Variants in CAP1 observed in about 807,000 individuals in gnomAD.
CAP1 encodes the protein cyclase associated actin cytoskeleton regulatory protein 1, also known as adenylyl cyclase-associated protein 1.
In CAP1, 11 loss-of-function variants were observed where a neutral mutation model predicts 58.2. The observed-to-expected ratio is 0.19, with a 90% CI of 0.12 to 0.31. CAP1 has a LOEUF of 0.31. Among genes scored for constraint, CAP1 ranks in the 10% least tolerant of loss-of-function variants. The pLI is 1.00. For synonymous variants in CAP1, 183 were observed against 213.8 expected (o/e 0.86, Z 1.26); for missense variants, 423 against 587.5 (o/e 0.72, Z 2.89).
At position 40,070,440 on chromosome 1, in the gene CAP1, G is replaced by C. The variant is rs1647688195; in HGVS notation, c.1128G>C (p.Lys376Asn). 1.3e-5 allele frequency: 21 copies of C among 1,613,810 alleles called. No individual in the cohort carries two copies. The highest frequency in any genetic ancestry group is 1.7e-5 in the Non-Finnish European group (20 of 1,179,850). ...KINSITVDNCKKLGLVFDDVV... is the reference protein window; with the variant it reads ...KINSITVDNCNKLGLVFDDVV... ...CCTTTCTTCTCCTAGATAACTGTAA[G>C]AAACTTGGCCTGGTATTCGATGACG... Residue 376 changes from lysine to asparagine, a missense_variant, in exon 11 of 13, where the codon AAG becomes AAC. Lys to Asn is a moderately conservative substitution (Grantham distance 94). Transcript: ENST00000372805.
rs554642288 is a variant in CAP1 at position 40,071,751 on chromosome 1, A to T, written c.*218A>T. Reference sequence around the variant, plus strand: ...TTCTGCAGGAAGGTGCAGCTTTTCCATATCAGCTCAACCACGCCGCCAGTC... The same window carrying T: ...TTCTGCAGGAAGGTGCAGCTTTTCCTTATCAGCTCAACCACGCCGCCAGTC... On this transcript the variant is annotated 3_prime_UTR_variant, in exon 13 of 13. Coordinates refer to ENST00000372805, the MANE Select transcript of CAP1 (RefSeq NM_006367.4). The T allele has an allele frequency of 3.6e-6, 2 of 558,226 alleles. No homozygotes were observed. Among genetic ancestry groups the T allele is most frequent in the Non-Finnish European group, 6.4e-6 (2 of 313,498 alleles). The allele number at this position is 558,226 out of a possible 1,614,324, so 34.6% of individuals were successfully genotyped here. A position where few individuals can be genotyped will look rare whatever the true frequency, so the allele number is the denominator to read the frequency against.
intron 1 of CAP1, among the ~76,000 whole-genome samples, chr1:40,044,942 G>A (rs1006019500): frequency 3.3e-5 from 5 of 151,038 alleles, no homozygotes; most frequent in Non-Finnish European, 5.9e-5. Context: ...GACTACAGGC[G>A]CCCGCCACCA....
At chr1:40,060,680 A>T (rs1485185929) in intron 3 of CAP1, among the ~76,000 whole-genome samples, 1 of 74,318 alleles carries the variant, frequency 1.3e-5, no homozygotes, top group South Asian at 5.1e-4. Context: ...CCCCACCCCC[A>T]CCCCACACTC....
chr1:40,064,562 A>G lies in CAP1; in HGVS notation c.524+3A>G. 1 of 1,607,792 alleles carries G rather than the reference A, an allele frequency of 6.2e-7. No homozygotes were observed. Among genetic ancestry groups the G allele is most frequent in the South Asian group, 1.1e-5 (1 of 90,894 alleles). Reference sequence around the variant, plus strand: ...GTCCTCAAAGAGTACAAAGATGTGTAAGTTCAGCCTTTTCTCTCTTTTTTT... The same window carrying G: ...GTCCTCAAAGAGTACAAAGATGTGTGAGTTCAGCCTTTTCTCTCTTTTTTT... On this transcript the variant is annotated splice_donor_region_variant and intron_variant, in intron 6 of 12. Coordinates refer to ENST00000372805, the MANE Select transcript of CAP1 (RefSeq NM_006367.4).
chr1:40,071,403 T>C lies in CAP1; in HGVS notation c.1345-47T>C, dbSNP rs1326650529. On this transcript the variant is annotated intron_variant, in intron 12 of 12. Coordinates refer to ENST00000372805, the MANE Select transcript of CAP1 (RefSeq NM_006367.4). ...GAAATGTGTGAGATTTAGCCCCAGC[T>C]GTTCTTTAGCTCAGATTTAAACCTG... 7.5e-6 allele frequency: 10 copies of C among 1,334,584 alleles called. No homozygotes were observed. The Admixed American group carries it at 1.2e-4, about 16-fold the overall frequency. The allele number at this position is 1,334,584 out of a possible 1,614,324, so 82.7% of individuals were successfully genotyped here. A position where few individuals can be genotyped will look rare whatever the true frequency, so the allele number is the denominator to read the frequency against.
intron 6 of CAP1, among the ~76,000 whole-genome samples, chr1:40,064,861 C>A (rs1647007267): frequency 6.6e-6 from 1 of 152,166 alleles, no homozygotes; most frequent in Non-Finnish European, 1.5e-5. Flanking sequence ...TGTGCCCAGC[C>A]AAGTTCAGCT....
chr1:40,061,172 CT>C (rs1338248569), intron 3 of CAP1, among the ~76,000 whole-genome samples: 2 of 138,774 alleles, frequency 1.4e-5, no homozygotes, highest in African/African-American at 5.4e-5. Context: ...TTTTTTTTAA[CT>C]TTTTATTTGG....
At chr1:40,046,701 C>T (rs187241730) in intron 1 of CAP1, among the ~76,000 whole-genome samples, 32 of 152,038 alleles carry the variant, frequency 2.1e-4, no homozygotes, top group Non-Finnish European at 4.0e-4. Context: ...GGGCTACAAA[C>T]CTGTATAGTA....
chr1:40,065,451 T>C lies in CAP1; in HGVS notation c.525-764T>C, dbSNP rs181772546. On this transcript the variant is annotated intron_variant, in intron 6 of 12. Transcript: ENST00000372805. ...ATCAACAAACATTTATTAACTACTC[T>C]TTTTAAGGAAAACTACACCTTCCTG... Among the ~76,000 whole-genome samples the C allele has an allele frequency of 2.2e-3, 335 of 152,348 alleles. 1 individual carries two copies. Among genetic ancestry groups the C allele is most frequent in the Admixed American group, 6.1e-3 (94 of 15,300 alleles).
chr1:40,069,726 A>G lies in CAP1; in HGVS notation c.845A>G (p.Lys282Arg). The part of the protein sequence containing the change: ...KHVSDDMKTH[K>R]NPALKAQSGP... ...GTATCTGATGACATGAAGACTCACAAGAACCCTGCCCTGAAGGCTCAGAGT... is the reference window on the plus strand; with the variant it reads ...GTATCTGATGACATGAAGACTCACAGGAACCCTGCCCTGAAGGCTCAGAGT... Residue 282 changes from lysine (K) to arginine (R), a missense_variant, in exon 9 of 13, where the codon AAG becomes AGG. By Grantham distance (26) the Lys-to-Arg change is conservative. Transcript: ENST00000372805. The G allele has an allele frequency of 1.1e-5, 17 of 1,613,860 alleles. No individual in the cohort carries two copies. The highest frequency in any genetic ancestry group is 2.2e-5 in the East Asian group (1 of 44,860).
intron 1 of CAP1, among the ~76,000 whole-genome samples, chr1:40,051,993 G>A (rs1646395438): frequency 6.6e-6 from 1 of 152,078 alleles, no homozygotes; most frequent in Non-Finnish European, 1.5e-5. Flanking sequence ...GCTTCTGGAG[G>A]GGAGGGACCA....
intron 1 of CAP1, among the ~76,000 whole-genome samples, chr1:40,058,722 A>G (rs533077106): frequency 8.9e-4 from 132 of 147,738 alleles, no homozygotes; most frequent in Middle Eastern, 3.6e-3. Context: ...ACTTTGTCTG[A>G]AAAAAAAAAA....
intron 4 of CAP1, among the ~76,000 whole-genome samples, chr1:40,063,273 G>T (rs1343901137): frequency 6.6e-6 from 1 of 152,098 alleles, no homozygotes; most frequent in East Asian, 1.9e-4. Context: ...CACCTCCCAG[G>T]CTCAAGTGAT....
At chr1:40,059,785 A>G (rs1398808845) in intron 2 of CAP1, among the ~76,000 whole-genome samples, 19 of 152,266 alleles carry the variant, frequency 1.2e-4, no homozygotes, top group African/African-American at 4.8e-5. Flanking sequence ...CACATGCACC[A>G]GTTGGAACAT....
At chr1:40,068,379 T>G (rs1233738497) in intron 8 of CAP1, among the ~76,000 whole-genome samples, 1 of 152,006 alleles carries the variant, frequency 6.6e-6, no homozygotes, top group Non-Finnish European at 1.5e-5. Flanking sequence ...CAAGCAATTC[T>G]CCTGCCTCAG....
At chr1:40,058,885 C>A (rs778359275) in intron 1 of CAP1, among the ~76,000 whole-genome samples, 6 of 152,048 alleles carry the variant, frequency 3.9e-5, no homozygotes, top group Non-Finnish European at 8.8e-5. Flanking sequence ...ATTCACTGGC[C>A]GTGTGACTAG....
chr1:40,067,338 T>C (rs1436875756), intron 7 of CAP1: 1 of 470,486 alleles, frequency 2.1e-6, no homozygotes. Context: ...AATGTGATGG[T>C]CAAGAAATAG....
chr1:40,041,772 A>G (rs1645841953), intron 1 of CAP1, among the ~76,000 whole-genome samples: 1 of 152,240 alleles, frequency 6.6e-6, no homozygotes, highest in Non-Finnish European at 1.5e-5. Context: ...TTAAGAAGTA[A>G]TTATAAATGT....
rs1212576538 is a variant in CAP1 at position 40,069,978 on chromosome 1, C to T, written c.993+104C>T. 4.0e-5 allele frequency: 56 copies of T among 1,399,630 alleles called. No individual in the cohort carries two copies. In the East Asian group the frequency reaches 9.0e-4, roughly 23 times the overall value. 86.7% of individuals were successfully genotyped at this position (1,399,630 alleles called of 1,614,324 possible). Reference sequence around the variant, plus strand: ...AGGCTGGAGTGCAGTGGCGCGATTTCGGCTTACCGCAACCTCCGCCTCCCG... The same window carrying T: ...AGGCTGGAGTGCAGTGGCGCGATTTTGGCTTACCGCAACCTCCGCCTCCCG... On this transcript the variant is annotated intron_variant, in intron 9 of 12. Transcript: ENST00000372805.
Sources: gnomAD v4.1 joint callset for allele counts (sites outside exome capture counted in the v4.1 genomes callset) on GRCh38, gnomAD v4.1.1 for gene constraint, MANE v1.5 for transcripts, NCBI Gene and HGNC (gene_info 2026-07-23, HGNC 2026-07-21) for gene names.